The following NCOA2 variants were observed in gnomAD, a reference collection of about 807,000 sequenced individuals.
The protein encoded by NCOA2 is nuclear receptor coactivator 2, also known as class E basic helix-loop-helix protein 75.
Under a neutral mutation model 145.1 loss-of-function variants are expected in NCOA2, and 21 were observed. The ratio of observed to expected loss-of-function variants is 0.14; its 90% CI spans 0.10 to 0.21. The LOEUF is 0.21. Ranked by LOEUF, NCOA2 falls within the 10% of genes least tolerant of loss-of-function variation. The pLI, the probability that NCOA2 is intolerant of heterozygous loss-of-function variation, is 1.00. For missense variants in NCOA2, 1,472 were observed against 1,837.6 expected (o/e 0.80, Z 3.64); for synonymous variants, 619 against 637.5 (o/e 0.97, Z 0.44).
intron 4 of NCOA2, among the ~76,000 whole-genome samples, chr8:70,201,908 G>A (rs901180331): frequency 2.0e-5 from 3 of 152,146 alleles, no homozygotes; most frequent in African/African-American, 4.8e-5. Flanking sequence ...CTGCCTCAAA[G>A]AATCCTCCTT....
At chr8:70,134,389 C>T (rs1251095027) in intron 15 of NCOA2, among the ~76,000 whole-genome samples, 1 of 152,184 alleles carries the variant, frequency 6.6e-6, no homozygotes, top group Non-Finnish European at 1.5e-5. Context: ...TTACCAAATT[C>T]TCCTAGGCAG....
intron 4 of NCOA2, among the ~76,000 whole-genome samples, chr8:70,191,834 A>G (rs1816720744): frequency 6.6e-6 from 1 of 152,166 alleles, no homozygotes; most frequent in Non-Finnish European, 1.5e-5. Context: ...TGAGCTCAGG[A>G]GTTTGAGACC....
intron 6 of NCOA2, 89 bp downstream of exon 6, chr8:70,170,113 T>C (rs2132626060): frequency 1.6e-6 from 2 of 1,235,106 alleles, no homozygotes; most frequent in Non-Finnish European, 2.3e-6. Flanking sequence ...ATAGTTTTAT[T>C]TGATCCACTT....
chr8:70,383,011 A>G (rs539698372), intron 1 of NCOA2, among the ~76,000 whole-genome samples: 22 of 152,370 alleles, frequency 1.4e-4, no homozygotes, highest in African/African-American at 4.8e-4. Flanking sequence ...ATTAAAAACA[A>G]ATACGAAAAA....
At chr8:70,441,463 AAGAG>A in the NCOA2 span, among the ~76,000 whole-genome samples, 40 of 150,882 alleles carry the variant, frequency 2.7e-4, no homozygotes, top group South Asian at 5.0e-3. Flanking sequence ...AAAGAAAAGA[AAGAG>A]AGAGGGAGAA....
chr8:70,351,751 A>ATT (rs1266426866), intron 1 of NCOA2, among the ~76,000 whole-genome samples: 32 of 129,880 alleles, frequency 2.5e-4, no homozygotes, highest in South Asian at 7.5e-4. Flanking sequence ...ACCCCGGCTA[A>ATT]TTTTTTTTTT....
chr8:70,202,918 C>T (rs186683916), intron 4 of NCOA2, among the ~76,000 whole-genome samples: 24 of 152,246 alleles, frequency 1.6e-4, no homozygotes, highest in East Asian at 9.6e-4. Context: ...AAGGGCTGGG[C>T]GCGGTAGCTT....
At chr8:70,248,752 A>G (rs1822832847) in intron 2 of NCOA2, among the ~76,000 whole-genome samples, 1 of 76,108 alleles carries the variant, frequency 1.3e-5, no homozygotes. Context: ...GAATAATGAC[A>G]GGGGAAAAAA....
chr8:70,372,169 A>C (rs1437630278), intron 1 of NCOA2, among the ~76,000 whole-genome samples: 1 of 152,164 alleles, frequency 6.6e-6, no homozygotes, highest in East Asian at 1.9e-4. Context: ...TTATTTTGAA[A>C]CCCTACAGAC....
At chr8:70,235,233 T>A (rs569625032) in intron 2 of NCOA2, among the ~76,000 whole-genome samples, 1 of 152,180 alleles carries the variant, frequency 6.6e-6, no homozygotes, top group Non-Finnish European at 1.5e-5. Context: ...ATGAGGTACT[T>A]AGACTGGTCA....
At chr8:70,219,622 A>G (rs1819960119) in intron 2 of NCOA2, among the ~76,000 whole-genome samples, 1 of 151,734 alleles carries the variant, frequency 6.6e-6, no homozygotes, top group South Asian at 2.1e-4. Flanking sequence ...CAAAAAGGAG[A>G]CAGACCTGAG....
At chr8:70,167,624 A>G (rs1399157417) in intron 6 of NCOA2, among the ~76,000 whole-genome samples, 3 of 152,344 alleles carry the variant, frequency 2.0e-5, no homozygotes, top group East Asian at 1.9e-4. Context: ...TGTTTCATGT[A>G]CATTTCTTCA....
intron 12 of NCOA2, 106 bp from the exon 13 acceptor site, chr8:70,144,954 G>A: frequency 1.0e-6 from 1 of 996,846 alleles, no homozygotes; most frequent in South Asian, 1.5e-5. Context: ...AGGTATGTAT[G>A]TCAGGGACCA....
intron 2 of NCOA2, among the ~76,000 whole-genome samples, chr8:70,284,470 T>C (rs998519345): frequency 6.6e-6 from 1 of 152,212 alleles, no homozygotes; most frequent in African/African-American, 2.4e-5. Context: ...ATCCTCACTT[T>C]CTGAAGGTCT....
At chr8:70,341,765 T>C (rs1258578181) in intron 1 of NCOA2, among the ~76,000 whole-genome samples, 1 of 152,216 alleles carries the variant, frequency 6.6e-6, no homozygotes, top group Non-Finnish European at 1.5e-5. Context: ...ATAAGCTATA[T>C]AATCTTCCAT....
chr8:70,170,952 T>C (rs1814177788), intron 5 of NCOA2, among the ~76,000 whole-genome samples: 1 of 152,180 alleles, frequency 6.6e-6, no homozygotes, highest in South Asian at 2.1e-4. Context: ...ACTTGGTGTA[T>C]ATGGGAAAGG....
At chr8:70,437,585 T>G in the NCOA2 span, among the ~76,000 whole-genome samples, 1 of 152,224 alleles carries the variant, frequency 6.6e-6, no homozygotes, top group Non-Finnish European at 1.5e-5. Context: ...GTTTTTCTGG[T>G]AAAATTTAAA....
At position 70,122,670 on chromosome 8, in the gene NCOA2, G is replaced by A. The variant is rs77687823; in HGVS notation, c.4293+1214C>T. On this transcript the variant is annotated intron_variant, in intron 21 of 22. Coordinates refer to ENST00000452400, the MANE Select transcript of NCOA2 (RefSeq NM_006540.4). ...TACAAGCACACAACCTTCTTAAAATGCAAAGGGCTTTAAATTTTCTCATGT... is the reference window on the plus strand; with the variant it reads ...TACAAGCACACAACCTTCTTAAAATACAAAGGGCTTTAAATTTTCTCATGT... Among the ~76,000 whole-genome samples, 894 of 152,260 alleles carry A rather than the reference G, an allele frequency of 5.9e-3. 5 individuals are homozygous for A. Among genetic ancestry groups the A allele is most frequent in the African/African-American group, 0.02 (833 of 41,546 alleles).
At chr8:70,365,054 T>G (rs1810567441) in intron 1 of NCOA2, among the ~76,000 whole-genome samples, 1 of 152,194 alleles carries the variant, frequency 6.6e-6, no homozygotes, top group African/African-American at 2.4e-5. Flanking sequence ...CATATGTGTC[T>G]GGGCTCAGTA....
Sources: allele counts gnomAD v4.1 joint callset (sites outside exome capture counted in the v4.1 genomes callset), GRCh38; gene constraint gnomAD v4.1.1; transcripts MANE v1.5; gene names NCBI Gene and HGNC (gene_info 2026-07-23, HGNC 2026-07-21).